Variants in LZTS1 observed in about 807,000 individuals in gnomAD.
The protein encoded by LZTS1 is leucine zipper tumor suppressor 1, also known as leucine zipper putative tumor suppressor 1.
Under a neutral mutation model 45.8 loss-of-function variants are expected in LZTS1, and 31 were observed. The ratio of observed to expected loss-of-function variants is 0.68; its 90% CI spans 0.51 to 0.91. The LOEUF is 0.91. Among genes scored for constraint, LZTS1 ranks in the 40% least tolerant of loss-of-function variants. The pLI, the probability that LZTS1 is intolerant of heterozygous loss-of-function variation, is 0.00. For synonymous variants in LZTS1, 359 were observed against 357.3 expected (o/e 1.00, Z -0.05); for missense variants, 821 against 788.9 (o/e 1.04, Z -0.49).
chr8:20,272,928 A>G (rs770041923), intron 1 of LZTS1, among the ~76,000 whole-genome samples: 5 of 152,060 alleles, frequency 3.3e-5, no homozygotes, highest in Non-Finnish European at 7.4e-5. Flanking sequence ...CCTGGACTCC[A>G]TTTTCTTCTC....
chr8:20,274,215 G>A (rs563915310), intron 1 of LZTS1, among the ~76,000 whole-genome samples: 3 of 152,278 alleles, frequency 2.0e-5, no homozygotes, highest in Non-Finnish European at 4.4e-5. Context: ...TCCCAGCTTC[G>A]AGCGCAGTAC....
At chr8:20,281,275 G>C (rs1000562385) in intron 1 of LZTS1, among the ~76,000 whole-genome samples, 2 of 151,960 alleles carry the variant, frequency 1.3e-5, no homozygotes, top group African/African-American at 4.8e-5. Flanking sequence ...GAATGGCTTA[G>C]TGGCCTGGAC....
At chr8:20,279,676 T>G (rs1800649280) in intron 1 of LZTS1, among the ~76,000 whole-genome samples, 1 of 82,788 alleles carries the variant, frequency 1.2e-5, no homozygotes, top group South Asian at 5.2e-4. Flanking sequence ...AGCAAGACCC[T>G]GTCTCAAAAA....
At chr8:20,276,308 AAGGC>A (rs951755998) in intron 1 of LZTS1, among the ~76,000 whole-genome samples, 1 of 151,076 alleles carries the variant, frequency 6.6e-6, no homozygotes, top group African/African-American at 2.4e-5. Context: ...CAGAAAGACC[AAGGC>A]AGGATTAGAT....
Position 20,272,429 on chromosome 8 carries a change from G to C in LZTS1, c.-134-17114C>G, listed in dbSNP as rs544486615. On this transcript the variant is annotated intron_variant, in intron 1 of 3. Transcript: ENST00000381569. ...CCCCTTCCCAGATCAGGTCCTCATT[G>C]GTTTTCCCTGCTGGGTGGTCTTTGT... is the stretch of plus-strand genomic sequence containing the variant. Among the ~76,000 whole-genome samples, 3 of 152,162 alleles carry C rather than the reference G, an allele frequency of 2.0e-5. 1 individual carries two copies. In the South Asian group the frequency reaches 6.2e-4, roughly 32 times the overall value.
Position 20,248,170 on chromosome 8 carries a change from G to C in LZTS1, c.*1552C>G, listed in dbSNP as rs1359677668. Reference sequence around the variant, plus strand: ...CCCGTCCCTACAAAAAAAATGAAAAGTTAGCCAGGCACGGTGGCGCGCACC... The same window carrying C: ...CCCGTCCCTACAAAAAAAATGAAAACTTAGCCAGGCACGGTGGCGCGCACC... On this transcript the variant is annotated 3_prime_UTR_variant, in exon 4 of 4. Coordinates refer to ENST00000381569, the MANE Select transcript of LZTS1 (RefSeq NM_021020.5). 1.3e-5 allele frequency: 2 copies of C among 151,104 alleles called. No homozygotes were observed. Among genetic ancestry groups the C allele is most frequent in the African/African-American group, 4.9e-5 (2 of 41,038 alleles). 9.4% of individuals were successfully genotyped at this position (151,104 alleles called of 1,614,324 possible).
At chr8:20,298,008 C>T (rs1801007180) in intron 1 of LZTS1, among the ~76,000 whole-genome samples, 1 of 152,142 alleles carries the variant, frequency 6.6e-6, no homozygotes, top group Admixed American at 6.5e-5. Context: ...GTGTTCATAT[C>T]TCAGCATTCC....
chr8:20,255,445 C>G (rs1800075747), intron 1 of LZTS1, 130 bp from the exon 2 acceptor site: 1 of 536,230 alleles, frequency 1.9e-6, no homozygotes, highest in Non-Finnish European at 3.1e-6. Flanking sequence ...CCACCGGGTG[C>G]TCCGTTCCTT....
Position 20,280,719 on chromosome 8 carries a change from T to C in LZTS1, c.-135+23021A>G, listed in dbSNP as rs182085426. Among the ~76,000 whole-genome samples the C allele has an allele frequency of 1.9e-3, 296 of 152,234 alleles. 1 individual carries two copies. The highest frequency in any genetic ancestry group is 6.9e-3 in the African/African-American group (286 of 41,530). Reference sequence around the variant, plus strand: ...GGGCAGGGTGGTCCTGACAGTTCCCTTCCTTAAAGCACTGTCAGCGACATC... The same window carrying C: ...GGGCAGGGTGGTCCTGACAGTTCCCCTCCTTAAAGCACTGTCAGCGACATC... On this transcript the variant is annotated intron_variant, in intron 1 of 3. Coordinates refer to ENST00000381569, the MANE Select transcript of LZTS1 (RefSeq NM_021020.5).
chr8:20,262,392 G>A (rs79261349), intron 1 of LZTS1, among the ~76,000 whole-genome samples: 2 of 152,206 alleles, frequency 1.3e-5, no homozygotes, highest in Non-Finnish European at 2.9e-5. Context: ...GTAGATAAAA[G>A]CCAGAGAGAC....
At chr8:20,266,066 A>C (rs1395002479) in intron 1 of LZTS1, among the ~76,000 whole-genome samples, 1 of 151,158 alleles carries the variant, frequency 6.6e-6, no homozygotes, top group Non-Finnish European at 1.5e-5. Context: ...TCTCTTGTCC[A>C]GGCTGGAGTG....
intron 1 of LZTS1, among the ~76,000 whole-genome samples, chr8:20,262,304 G>A (rs1352203557): frequency 2.6e-5 from 4 of 152,314 alleles, no homozygotes; most frequent in Middle Eastern, 3.4e-3. Context: ...ATCTGACATG[G>A]GCTAAGTACT....
intron 1 of LZTS1, among the ~76,000 whole-genome samples, chr8:20,285,310 C>G (rs1248289989): frequency 6.6e-6 from 1 of 152,222 alleles, no homozygotes; most frequent in Non-Finnish European, 1.5e-5. Context: ...GCCTGCCACC[C>G]TGACCTGCCT....
At chr8:20,254,512 G>C (rs1800038026) in intron 2 of LZTS1, among the ~76,000 whole-genome samples, 1 of 152,174 alleles carries the variant, frequency 6.6e-6, no homozygotes, top group Admixed American at 6.5e-5. Context: ...CCTTCCCGAG[G>C]CTTGGCAAAC....
chr8:20,285,107 C>A (rs531504864), intron 1 of LZTS1, among the ~76,000 whole-genome samples: 1 of 152,234 alleles, frequency 6.6e-6, no homozygotes, highest in South Asian at 2.1e-4. Flanking sequence ...AAGGGCTTTA[C>A]AAACTCTAAA....
intron 1 of LZTS1, among the ~76,000 whole-genome samples, chr8:20,303,090 T>C (rs1031631207): frequency 2.0e-5 from 3 of 152,016 alleles, no homozygotes; most frequent in Non-Finnish European, 2.9e-5. Flanking sequence ...TGCATGGTGC[T>C]TTGACTAAAT....
chr8:20,251,663 CAAGAGGAG>C (rs1051755476), intron 3 of LZTS1, among the ~76,000 whole-genome samples: 30 of 152,216 alleles, frequency 2.0e-4, no homozygotes, highest in African/African-American at 7.2e-4. Context: ...AGAAGAAGAG[CAAGAGGAG>C]AAGACAATGA....
At chr8:20,260,446 C>G (rs1800203202) in intron 1 of LZTS1, among the ~76,000 whole-genome samples, 1 of 152,128 alleles carries the variant, frequency 6.6e-6, no homozygotes, top group South Asian at 2.1e-4. Flanking sequence ...CACTCAGTGA[C>G]CAGTGACAGA....
chr8:20,290,684 C>T (rs771817600), intron 1 of LZTS1, among the ~76,000 whole-genome samples: 9 of 152,234 alleles, frequency 5.9e-5, no homozygotes, highest in East Asian at 1.9e-4. Flanking sequence ...TCCTCTCCCA[C>T]GTGTACAACC....
Sources: allele counts gnomAD v4.1 joint callset (sites outside exome capture counted in the v4.1 genomes callset), GRCh38; gene constraint gnomAD v4.1.1; transcripts MANE v1.5; gene names NCBI Gene and HGNC (gene_info 2026-07-23, HGNC 2026-07-21).